Variants in CANX observed in about 807,000 individuals in gnomAD.
The protein encoded by CANX is calnexin.
A neutral mutation model predicts 75.7 loss-of-function variants in CANX; 14 were observed. That is an observed-to-expected ratio of 0.19 (90% confidence interval 0.12 to 0.29). The LOEUF is 0.29. Among genes scored for constraint, CANX ranks in the 10% least tolerant of loss-of-function variants. CANX has a pLI of 1.00. For synonymous variants in CANX, 227 were observed against 236.9 expected (o/e 0.96, Z 0.38); for missense variants, 567 against 713.2 (o/e 0.79, Z 2.34).
intron 9 of CANX, 37 bp downstream of exon 9, chr5:179,719,818 T>G (rs917482458): frequency 1.7e-6 from 2 of 1,186,962 alleles, no homozygotes; most frequent in Non-Finnish European, 2.4e-6. Context: ...ATTACCTGGT[T>G]TTTTTGTTTG....
At chr5:179,697,038 T>G (rs908200458), upstream of CANX, among the ~76,000 whole-genome samples, 11 of 152,198 alleles carry the variant, frequency 7.2e-5, no homozygotes, top group African/African-American at 2.4e-4. Flanking sequence ...ACGATGCCCA[T>G]GTAAAACATC....
At chr5:179,719,040 C>T (rs1374657691) in intron 8 of CANX, among the ~76,000 whole-genome samples, 2 of 152,018 alleles carry the variant, frequency 1.3e-5, no homozygotes, top group Non-Finnish European at 2.9e-5. Context: ...AAGTGATCCT[C>T]CTGCCTTGGC....
chr5:179,703,211 TG>T lies in CANX; in HGVS notation c.-3-2466del. ...TATTGGCGTGAGCCACCGCGCCTGG[TG>T]GAGTGGTGGAGTCTTTTTTTTTTTT... is the stretch of plus-strand genomic sequence containing the variant. On this transcript the variant is annotated intron_variant, in intron 1 of 14. Coordinates refer to ENST00000247461, the MANE Select transcript of CANX (RefSeq NM_001746.4). 1.3e-5 allele frequency among the ~76,000 whole-genome samples: 2 copies of T among 150,834 alleles called. 1 individual carries two copies. The highest frequency in any genetic ancestry group is 4.2e-4 in the South Asian group (2 of 4,728).
At chr5:179,699,876 G>A (rs1450171138) in intron 1 of CANX, 3 of 152,276 alleles carry the variant, frequency 2.0e-5, no homozygotes, top group African/African-American at 7.2e-5. Flanking sequence ...CCTGGCTCGA[G>A]TCTTTGATTG....
Position 179,719,661 on chromosome 5 carries a change from A to C in CANX, c.912-7A>C. 6.4e-7 allele frequency: 1 copy of C among 1,562,602 alleles called. No homozygotes were observed. Among genetic ancestry groups the C allele is most frequent in the Non-Finnish European group, 8.8e-7 (1 of 1,135,544 alleles). The stretch of plus-strand genomic sequence containing the variant: ...TGTCATAACTGGCTTTTTCTTTTGT[A>C]TTTAAGGGATGAAGATGCCCCTGCT... On this transcript the variant is annotated splice_polypyrimidine_tract_variant and splice_region_variant and intron_variant, in intron 8 of 14. Coordinates refer to ENST00000247461, the MANE Select transcript of CANX (RefSeq NM_001746.4).
At position 179,678,696 on chromosome 5, in the gene CANX, G is replaced by A. The variant is rs558988617; in HGVS notation, c.-85G>A. 6.5e-7 allele frequency: 1 copy of A among 1,536,880 alleles called. No individual in the cohort carries two copies. The highest frequency in any genetic ancestry group is 1.4e-5 in the African/African-American group (1 of 73,168). ...GCCGCAGCCGTCGGGATCACCTCGG[G>A]GTTGCGCTGCTTCTCCAGCAAGTGC... On this transcript the variant is annotated 5_prime_UTR_variant, in exon 1 of 15. Coordinates refer to the CANX transcript ENST00000681674.
In CANX at chr5:179,729,997, AT is replaced by A. The variant is rs1024177877; in HGVS notation, c.*1358del. 35 of 152,728 alleles carry A rather than the reference AT, an allele frequency of 2.3e-4. No individual in the cohort carries two copies. Among genetic ancestry groups the A allele is most frequent in the African/African-American group, 7.7e-4 (32 of 41,580 alleles). 9.5% of individuals were successfully genotyped at this position (152,728 alleles called of 1,614,324 possible). A position where few individuals can be genotyped will look rare whatever the true frequency, so the allele number is the denominator to read the frequency against. The stretch of plus-strand genomic sequence containing the variant: ...ATTTTTTTTTAACGTGGCTTGTAGA[AT>A]TTTTAAAAAAGTGATCTTAGGTTTG... On this transcript the variant is annotated 3_prime_UTR_variant, in exon 15 of 15. Transcript: ENST00000247461.
exon 1 of CANX, chr5:179,678,661 C>A (rs550624803): frequency 1.3e-6 from 2 of 1,535,442 alleles, no homozygotes; most frequent in Non-Finnish European, 1.7e-6. Flanking sequence ...TCTTCCTCTG[C>A]CCGGCGCGCG....
intron 7 of CANX, among the ~76,000 whole-genome samples, chr5:179,714,549 G>A (rs1327759457): frequency 6.8e-6 from 1 of 147,908 alleles, no homozygotes; most frequent in Non-Finnish European, 1.5e-5. Context: ...ACGGAGTCTC[G>A]CTCTGTCTCC....
chr5:179,705,347 T>C (rs1231815313), intron 1 of CANX, among the ~76,000 whole-genome samples: 1 of 152,212 alleles, frequency 6.6e-6, no homozygotes. Context: ...TGAAAGGGCT[T>C]TTGTCTGTTG....
At chr5:179,709,511 C>T (rs564526736) in intron 6 of CANX, among the ~76,000 whole-genome samples, 29 of 152,158 alleles carry the variant, frequency 1.9e-4, no homozygotes, top group African/African-American at 6.7e-4. Flanking sequence ...TTGACTTTGA[C>T]GCTAACGTGC....
In CANX at chr5:179,706,334, A is replaced by G. The variant is rs751871084; in HGVS notation, c.245+3A>G. On this transcript the variant is annotated splice_donor_region_variant and intron_variant, in intron 3 of 14. Coordinates refer to ENST00000247461, the MANE Select transcript of CANX (RefSeq NM_001746.4). Reference sequence around the variant, plus strand: ...TTTGACAGAGGAACTCTGTCAGGGTAAGTGTTTTCCAGAGAAATATATGTT... The same window carrying G: ...TTTGACAGAGGAACTCTGTCAGGGTGAGTGTTTTCCAGAGAAATATATGTT... 10 of 1,542,588 alleles carry G rather than the reference A, an allele frequency of 6.5e-6. No homozygotes were observed. Among genetic ancestry groups the G allele is most frequent in the Non-Finnish European group, 8.9e-6 (10 of 1,119,272 alleles).
At chr5:179,706,776 A>G (rs147607573) in intron 3 of CANX, among the ~76,000 whole-genome samples, 1 of 152,272 alleles carries the variant, frequency 6.6e-6, no homozygotes, top group East Asian at 1.9e-4. Flanking sequence ...TAGCTTTAAT[A>G]TCTTCAGTGT....
chr5:179,713,906 C>T (rs1412044196), intron 7 of CANX, among the ~76,000 whole-genome samples: 2 of 152,152 alleles, frequency 1.3e-5, no homozygotes, highest in Non-Finnish European at 2.9e-5. Context: ...CAGAATGAGA[C>T]TCTGTCTCTA....
chr5:179,722,518 C>G (rs892663456), intron 10 of CANX, among the ~76,000 whole-genome samples: 2 of 152,152 alleles, frequency 1.3e-5, no homozygotes, highest in Non-Finnish European at 2.9e-5. Flanking sequence ...TTAGCAGTTG[C>G]TAAGAGTGGA....
At chr5:179,688,061 C>CTTT (rs76113200) in intron 1 of CANX, among the ~76,000 whole-genome samples, 1 of 136,376 alleles carries the variant, frequency 7.3e-6, no homozygotes, top group Admixed American at 7.4e-5. Context: ...AGTCAGTATT[C>CTTT]TTTTTTTTTT....
upstream of CANX, among the ~76,000 whole-genome samples, chr5:179,696,095 T>C (rs183787878): frequency 1.6e-4 from 25 of 151,996 alleles, 1 homozygote; most frequent in East Asian, 4.1e-3. Context: ...AATTTTTGTA[T>C]ATTTTGTAGA....
chr5:179,714,611 G>A (rs1777803111), intron 7 of CANX, among the ~76,000 whole-genome samples: 1 of 151,412 alleles, frequency 6.6e-6, no homozygotes, highest in Non-Finnish European at 1.5e-5. Context: ...TCCGCCTCCC[G>A]GGTTCACGCC....
At chr5:179,710,986 G>A (rs1276033087) in intron 7 of CANX, among the ~76,000 whole-genome samples, 1 of 152,162 alleles carries the variant, frequency 6.6e-6, no homozygotes, top group Non-Finnish European at 1.5e-5. Context: ...AACCCAGGAG[G>A]CAGAGGTTGC....
Sources: allele counts gnomAD v4.1 joint callset (sites outside exome capture counted in the v4.1 genomes callset), GRCh38; gene constraint gnomAD v4.1.1; transcripts MANE v1.5; gene names NCBI Gene and HGNC (gene_info 2026-07-23, HGNC 2026-07-21).